HCRTR2: variants seen among roughly 807,000 people sequenced by gnomAD.
HCRTR2 encodes the protein hypocretin receptor 2.
A neutral mutation model predicts 49.0 loss-of-function variants in HCRTR2; 22 were observed. The ratio of observed to expected loss-of-function variants is 0.45; its 90% confidence interval spans 0.32 to 0.64. HCRTR2 has a LOEUF of 0.64. Ranked by LOEUF, HCRTR2 falls within the 30% of genes least tolerant of loss-of-function variation. The pLI is 0.04. For missense variants in HCRTR2, 491 were observed against 559.4 expected (o/e 0.88, Z 1.23); for synonymous variants, 236 against 205.3 (o/e 1.15, Z -1.28).
chr6:55,258,388 T>G (rs994543587), intron 3 of HCRTR2, among the ~76,000 whole-genome samples: 2 of 152,136 alleles, frequency 1.3e-5, no homozygotes, highest in Non-Finnish European at 2.9e-5. Flanking sequence ...CAAATAACTT[T>G]TGGAAAAGTT....
At chr6:55,194,038 G>T (rs567017159) in intron 1 of HCRTR2, among the ~76,000 whole-genome samples, 3 of 151,850 alleles carry the variant, frequency 2.0e-5, no homozygotes, top group East Asian at 1.9e-4. Context: ...TGTTTCATTT[G>T]TCTGAATTCC....
chr6:55,260,998 C>T (rs1479036104), intron 3 of HCRTR2, among the ~76,000 whole-genome samples: 1 of 152,088 alleles, frequency 6.6e-6, no homozygotes, highest in Non-Finnish European at 1.5e-5. Flanking sequence ...GATAAACCCC[C>T]TTGTCAATAG....
chr6:55,136,521 T>C (rs1764436118), intron 1 of HCRTR2, among the ~76,000 whole-genome samples: 1 of 152,168 alleles, frequency 6.6e-6, no homozygotes, highest in Non-Finnish European at 1.5e-5. Flanking sequence ...GAATTGAATA[T>C]AAATTACAGA....
At chr6:55,249,956 A>T (rs1190460512) in intron 2 of HCRTR2, among the ~76,000 whole-genome samples, 1 of 152,080 alleles carries the variant, frequency 6.6e-6, no homozygotes, top group Non-Finnish European at 1.5e-5. Context: ...TCCCAGTAAC[A>T]AAAAATTAGG....
At chr6:55,280,955 T>A (rs551813701) in intron 6 of HCRTR2, among the ~76,000 whole-genome samples, 1 of 152,334 alleles carries the variant, frequency 6.6e-6, no homozygotes, top group South Asian at 2.1e-4. Flanking sequence ...ATAAGTTAAA[T>A]GATACACACA....
intron 1 of HCRTR2, among the ~76,000 whole-genome samples, chr6:55,109,194 A>G (rs1661673204): frequency 6.6e-6 from 1 of 152,172 alleles, no homozygotes; most frequent in Non-Finnish European, 1.5e-5. Flanking sequence ...GGGAAGAGGG[A>G]GAGCACCACA....
chr6:55,192,783 A>G (rs1189350881), intron 1 of HCRTR2, among the ~76,000 whole-genome samples: 1 of 152,218 alleles, frequency 6.6e-6, no homozygotes, highest in Non-Finnish European at 1.5e-5. Context: ...AATCTACGTA[A>G]CAACTGGATA....
upstream of HCRTR2, among the ~76,000 whole-genome samples, chr6:55,169,694 A>G (rs1005344768): frequency 3.9e-5 from 6 of 152,148 alleles, no homozygotes; most frequent in African/African-American, 9.7e-5. Flanking sequence ...ATCATTACCA[A>G]CAGTGCTCAG....
chr6:55,126,935 C>G (rs1289918107), intron 1 of HCRTR2, among the ~76,000 whole-genome samples: 1 of 152,134 alleles, frequency 6.6e-6, no homozygotes, highest in African/African-American at 2.4e-5. Context: ...TCAAGAGTCC[C>G]AGGTTGATCT....
chr6:55,133,943 G>A lies in HCRTR2; in HGVS notation c.-378+27398G>A, dbSNP rs949516279. ...TATTACAAACAGTTTTTCTTATACA[G>A]CAAGTGAGAATATTTATCATTTAGT... On this transcript the variant is annotated intron_variant, in intron 1 of 7. Coordinates refer to the HCRTR2 transcript ENST00000615358. Among the ~76,000 whole-genome samples, 7 of 151,892 alleles carry A rather than the reference G, an allele frequency of 4.6e-5. 1 individual carries two copies. Among genetic ancestry groups the A allele is most frequent in the African/African-American group, 1.7e-4 (7 of 41,502 alleles).
At chr6:55,132,305 A>G (rs1764369343) in intron 1 of HCRTR2, among the ~76,000 whole-genome samples, 1 of 151,862 alleles carries the variant, frequency 6.6e-6, no homozygotes. Context: ...AGAATGAGTA[A>G]CCTAAGGGTA....
At chr6:55,117,043 C>T (rs1394356348) in intron 1 of HCRTR2, among the ~76,000 whole-genome samples, 1 of 151,758 alleles carries the variant, frequency 6.6e-6, no homozygotes, top group African/African-American at 2.4e-5. Flanking sequence ...AGTATGATGT[C>T]AGATGATCAA....
intron 1 of HCRTR2, among the ~76,000 whole-genome samples, chr6:55,228,701 G>T (rs1203137067): frequency 1.3e-5 from 2 of 152,068 alleles, no homozygotes; most frequent in Admixed American, 6.6e-5. Context: ...TAAGTACCAA[G>T]AAATTTCTTA....
intron 1 of HCRTR2, among the ~76,000 whole-genome samples, chr6:55,145,637 A>C (rs942219542): frequency 1.3e-5 from 2 of 151,728 alleles, no homozygotes; most frequent in Admixed American, 6.6e-5. Context: ...GGATGGTCTC[A>C]ATCTCCTGAC....
chr6:55,189,809 T>TA (rs1351972512), intron 1 of HCRTR2, among the ~76,000 whole-genome samples: 27 of 152,074 alleles, frequency 1.8e-4, no homozygotes, highest in Non-Finnish European at 2.5e-4. Context: ...ATTAAATTAT[T>TA]AAAAAAAGAA....
chr6:55,120,405 AT>A (rs1251203082), intron 1 of HCRTR2, among the ~76,000 whole-genome samples: 5 of 151,906 alleles, frequency 3.3e-5, no homozygotes, highest in South Asian at 4.1e-4. Context: ...ATGTTTTTCT[AT>A]TTGTTTGTGC....
intron 4 of HCRTR2, 139 bp from the exon 5 acceptor site, chr6:55,277,241 G>T: frequency 1.4e-6 from 1 of 714,046 alleles, no homozygotes. Context: ...GTCAGCAAAT[G>T]CTCTGGAGAA....
At chr6:55,151,603 T>C (rs1764665756) in intron 1 of HCRTR2, among the ~76,000 whole-genome samples, 1 of 151,966 alleles carries the variant, frequency 6.6e-6, no homozygotes, top group Admixed American at 6.6e-5. Context: ...AAGTAATCTA[T>C]GAGGGCTGGA....
intron 1 of HCRTR2, among the ~76,000 whole-genome samples, chr6:55,232,180 T>C (rs1243393689): frequency 6.6e-6 from 1 of 152,188 alleles, no homozygotes; most frequent in Non-Finnish European, 1.5e-5. Context: ...TGTGAGACTA[T>C]TTACATTAAT....
Sources: allele counts gnomAD v4.1 joint callset (sites outside exome capture counted in the v4.1 genomes callset), GRCh38; gene constraint gnomAD v4.1.1; transcripts MANE v1.5; gene names NCBI Gene and HGNC (gene_info 2026-07-23, HGNC 2026-07-21).